IFT43: variants seen among roughly 807,000 people sequenced by gnomAD.
The protein encoded by IFT43 is intraflagellar transport 43.
IFT43 carries 33 observed loss-of-function variants against 32.3 expected under a neutral mutation model. That is an observed-to-expected ratio of 1.02 (90% CI 0.77 to 1.37). The LOEUF (loss-of-function observed/expected upper bound fraction) is 1.37, where lower values mean the gene tolerates loss of function less well. Ranked by LOEUF, IFT43 falls within the 40% of genes most tolerant of loss-of-function variation. The pLI, the probability that IFT43 is intolerant of heterozygous loss-of-function variation, is 0.00. For synonymous variants in IFT43, 93 were observed against 98.2 expected (o/e 0.95, Z 0.31); for missense variants, 274 against 265.9 (o/e 1.03, Z -0.21).
Position 76,036,549 on chromosome 14 carries a change from C to T in IFT43, c.215+14155C>T, listed in dbSNP as rs957352640. 1.1e-4 allele frequency among the ~76,000 whole-genome samples: 16 copies of T among 151,656 alleles called. No homozygotes were observed. The East Asian group carries it at 1.4e-3, about 13-fold the overall frequency. The stretch of plus-strand genomic sequence containing the variant: ...CCTCCCAAGTAGCTGAAACTACAGG[C>T]GCGCGCCACCACACCTGGCTTATTT... On this transcript the variant is annotated intron_variant, in intron 3 of 8. Coordinates refer to ENST00000314067, the MANE Select transcript of IFT43 (RefSeq NM_001102564.3).
intron 3 of IFT43, among the ~76,000 whole-genome samples, chr14:76,045,785 G>A (rs2036797303): frequency 6.6e-6 from 1 of 152,180 alleles, no homozygotes; most frequent in Non-Finnish European, 1.5e-5. Context: ...TGGAGGTGAG[G>A]GAGAAGAATG....
At chr14:76,019,185 A>G in intron 2 of IFT43, among the ~76,000 whole-genome samples, 1 of 151,702 alleles carries the variant, frequency 6.6e-6, no homozygotes, top group African/African-American at 2.4e-5. Flanking sequence ...TCTACTAGTG[A>G]GTTTTATACT....
chr14:75,992,045 C>G (rs762718850), intron 2 of IFT43, among the ~76,000 whole-genome samples: 7 of 152,176 alleles, frequency 4.6e-5, no homozygotes, highest in Non-Finnish European at 8.8e-5. Flanking sequence ...GATATCCATG[C>G]AAACGTAAAT....
At chr14:76,038,942 G>A (rs370482247) in intron 3 of IFT43, among the ~76,000 whole-genome samples, 3 of 152,058 alleles carry the variant, frequency 2.0e-5, no homozygotes, top group East Asian at 1.9e-4. Context: ...ACTGGTGGTC[G>A]CATTTGGGCC....
At chr14:76,029,164 A>G (rs2036460586) in intron 3 of IFT43, among the ~76,000 whole-genome samples, 2 of 152,116 alleles carry the variant, frequency 1.3e-5, no homozygotes, top group Admixed American at 1.3e-4. Flanking sequence ...AGCCATTCTG[A>G]CAGGTATGAG....
intron 2 of IFT43, among the ~76,000 whole-genome samples, chr14:75,992,525 G>T (rs78967950): frequency 0.021 from 3,262 of 152,204 alleles, 114 homozygotes; most frequent in African/African-American, 0.07. Context: ...TGGCTAGTAG[G>T]TATCCAGAGC....
chr14:76,079,771 T>G (rs1180284554), intron 5 of IFT43, among the ~76,000 whole-genome samples: 1 of 152,216 alleles, frequency 6.6e-6, no homozygotes, highest in Non-Finnish European at 1.5e-5. Flanking sequence ...ATGTCAGACT[T>G]TACAACCTGA....
chr14:76,037,332 G>C (rs2140000056), intron 3 of IFT43, among the ~76,000 whole-genome samples: 1 of 152,270 alleles, frequency 6.6e-6, no homozygotes, highest in Middle Eastern at 3.4e-3. Flanking sequence ...TTGACCAGTG[G>C]GGGCAGGGCT....
intron 3 of IFT43, among the ~76,000 whole-genome samples, chr14:76,051,428 G>A (rs773319405): frequency 6.6e-5 from 10 of 151,908 alleles, no homozygotes; most frequent in South Asian, 2.1e-4. Flanking sequence ...CCAGTGTACC[G>A]CCTGGGATTG....
At chr14:76,027,002 G>A (rs574338228) in intron 3 of IFT43, among the ~76,000 whole-genome samples, 78 of 152,302 alleles carry the variant, frequency 5.1e-4, no homozygotes, top group African/African-American at 1.8e-3. Flanking sequence ...AACACTGTAT[G>A]TTCTCACTTA....
Position 76,064,197 on chromosome 14 carries a change from C to T in IFT43, c.295+4824C>T, listed in dbSNP as rs143276257. Among the ~76,000 whole-genome samples, 238 of 152,320 alleles carry T rather than the reference C, an allele frequency of 1.6e-3. 2 individuals carry two copies. The highest frequency in any genetic ancestry group is 2.4e-3 in the Non-Finnish European group (166 of 68,028). Reference sequence around the variant, plus strand: ...CCCACTAACTTCCTTTTAGACTTCTCCACCCACTAATAATTGCCAATGACT... The same window carrying T: ...CCCACTAACTTCCTTTTAGACTTCTTCACCCACTAATAATTGCCAATGACT... On this transcript the variant is annotated intron_variant, in intron 5 of 8. Coordinates refer to ENST00000314067, the MANE Select transcript of IFT43 (RefSeq NM_001102564.3).
At chr14:76,043,505 C>T (rs971729521) in intron 3 of IFT43, among the ~76,000 whole-genome samples, 8 of 151,780 alleles carry the variant, frequency 5.3e-5, no homozygotes, top group African/African-American at 9.7e-5. Context: ...CTCGCTCTGT[C>T]GCCCAGGCTG....
rs189865056 is a variant in IFT43 at position 76,039,191 on chromosome 14, G to T, written c.215+16797G>T. The stretch of plus-strand genomic sequence containing the variant: ...TCTGTTGCCCAGGTTGGAGGGTGGG[G>T]ATGTGATCATAGTTCACTGTAATCT... On this transcript the variant is annotated intron_variant, in intron 3 of 8. Coordinates refer to ENST00000314067, the MANE Select transcript of IFT43 (RefSeq NM_001102564.3). Among the ~76,000 whole-genome samples, 78 of 151,956 alleles carry T rather than the reference G, an allele frequency of 5.1e-4. 1 individual carries two copies. The highest frequency in any genetic ancestry group is 1.7e-3 in the African/African-American group (71 of 41,422).
At chr14:76,048,674 A>T (rs2036854762) in intron 3 of IFT43, among the ~76,000 whole-genome samples, 2 of 152,088 alleles carry the variant, frequency 1.3e-5, no homozygotes, top group African/African-American at 4.8e-5. Context: ...TCGGTCAGTG[A>T]TTTTACCTTT....
rs2140101419 is a variant in IFT43, at chr14:76,083,235, G to A, written c.453G>A (p.Glu151=). Residue 151 remains glutamate (E), a synonymous_variant, in exon 8 of 9, where the codon GAG becomes GAA. Transcript: ENST00000314067. ...KYSAIQTLDG[E]IDLKLLTKVL... ...TTTGTTTGCATTCACAGGATGGGGA[G>A]ATCGACCTGAAACTCCTCACCAAAG... 1 of 1,614,172 alleles carries A rather than the reference G, an allele frequency of 6.2e-7. No homozygotes were observed. Among genetic ancestry groups the A allele is most frequent in the Non-Finnish European group, 8.5e-7 (1 of 1,180,016 alleles).
chr14:76,080,442 T>C (rs2037489220), intron 5 of IFT43, among the ~76,000 whole-genome samples: 1 of 152,148 alleles, frequency 6.6e-6, no homozygotes, highest in Non-Finnish European at 1.5e-5. Context: ...GTGCAATTCC[T>C]CAGAGCCCCA....
intron 3 of IFT43, among the ~76,000 whole-genome samples, chr14:76,056,984 T>C (rs7154808): frequency 0.91 from 138,240 of 152,212 alleles, 62,925 homozygotes; most frequent in African/African-American, 0.96. Context: ...TTCTGTCTCC[T>C]TCTGCCCTCA....
At chr14:76,071,441 C>T (rs1377135271) in intron 5 of IFT43, among the ~76,000 whole-genome samples, 1 of 152,164 alleles carries the variant, frequency 6.6e-6, no homozygotes, top group Non-Finnish European at 1.5e-5. Context: ...TCATCGAGGT[C>T]ACATGGCCAA....
intron 2 of IFT43, among the ~76,000 whole-genome samples, chr14:75,999,970 G>A (rs1367406284): frequency 3.3e-5 from 5 of 152,254 alleles, no homozygotes; most frequent in African/African-American, 1.2e-4. Context: ...AGGATAGAGT[G>A]GGAGAGCTTG....
Sources: gnomAD v4.1 joint callset for allele counts (sites outside exome capture counted in the v4.1 genomes callset) on GRCh38, gnomAD v4.1.1 for gene constraint, MANE v1.5 for transcripts, NCBI Gene and HGNC (gene_info 2026-07-23, HGNC 2026-07-21) for gene names.